Variants in RAD54B observed in about 807,000 individuals in gnomAD.
RAD54B encodes DNA repair and recombination protein RAD54B.
In RAD54B, 78 loss-of-function variants were observed where a neutral mutation model predicts 95.8. That is an observed-to-expected ratio of 0.81 (90% confidence interval 0.68 to 0.98). RAD54B has a LOEUF of 0.98. Among genes scored for constraint, RAD54B ranks in the 50% least tolerant of loss-of-function variants. The pLI is 0.00. For missense variants in RAD54B, 957 were observed against 1,056.6 expected, an observed-to-expected ratio of 0.91 and a Z score of 1.31; for synonymous variants, 328 against 354.9, an observed-to-expected ratio of 0.92 and a Z score of 0.85.
At chr8:94,377,552 A>G (rs1810615637) in intron 14 of RAD54B, among the ~76,000 whole-genome samples, 7 of 64,482 alleles carry the variant, frequency 1.1e-4, no homozygotes, top group African/African-American at 2.8e-4. Context: ...TTGGAAAAAA[A>G]AAAAAAAAAA....
At chr8:94,474,509 A>G (rs146009569) in intron 1 of RAD54B, among the ~76,000 whole-genome samples, 1 of 152,282 alleles carries the variant, frequency 6.6e-6, no homozygotes, top group Non-Finnish European at 1.5e-5. Context: ...TACCTAGAAA[A>G]TCTTCCATAA....
intron 3 of RAD54B, chr8:94,436,916 T>G: frequency 6.8e-7 from 1 of 1,478,418 alleles, no homozygotes; most frequent in Non-Finnish European, 8.9e-7. Flanking sequence ...CCATGCAGCC[T>G]TCAGCTCTGC....
In RAD54B at chr8:94,400,461, A is replaced by C; in HGVS notation, c.947T>G (p.Met316Arg). 6.3e-7 allele frequency: 1 copy of C among 1,599,860 alleles called. No homozygotes were observed. Among genetic ancestry groups the C allele is most frequent in the South Asian group, 1.1e-5 (1 of 88,496 alleles). Residue 316 changes from methionine (M) to arginine (R), a missense_variant and splice_region_variant, in exon 7 of 15, where the codon ATG becomes AGG. Transcript: ENST00000336148. ...AAGAATAGCTCCACATCTGCCATTC[A>C]TTCTGTTAGAAATAATTTTACTTCC... ...FLYECVMGMR[M>R]NGRCGAILAD...
intron 3 of RAD54B, among the ~76,000 whole-genome samples, chr8:94,453,971 A>C (rs745884603): frequency 2.0e-5 from 3 of 151,960 alleles, no homozygotes; most frequent in African/African-American, 4.8e-5. Flanking sequence ...TTGTATTTTT[A>C]GTAGAGACAG....
At chr8:94,417,259 G>A (rs1482274926) in intron 3 of RAD54B, among the ~76,000 whole-genome samples, 3 of 152,056 alleles carry the variant, frequency 2.0e-5, no homozygotes, top group Non-Finnish European at 2.9e-5. Context: ...GAAGCAGGGT[G>A]GTGGTAGCTA....
At chr8:94,414,587 T>C (rs1811609417) in intron 3 of RAD54B, among the ~76,000 whole-genome samples, 1 of 152,232 alleles carries the variant, frequency 6.6e-6, no homozygotes, top group African/African-American at 2.4e-5. Flanking sequence ...GAGATAATCA[T>C]GTGGTTTTTG....
At chr8:94,420,944 C>T (rs961535242) in intron 3 of RAD54B, among the ~76,000 whole-genome samples, 1 of 151,084 alleles carries the variant, frequency 6.6e-6, no homozygotes, top group Non-Finnish European at 1.5e-5. Context: ...GAGATCACAC[C>T]GCTGCACTCC....
At chr8:94,424,323 C>T (rs1563651390) in intron 3 of RAD54B, among the ~76,000 whole-genome samples, 1 of 152,120 alleles carries the variant, frequency 6.6e-6, no homozygotes, top group Non-Finnish European at 1.5e-5. Context: ...GAATATAATA[C>T]TAATACTTAC....
At chr8:94,391,452 C>T (rs1260879443) in intron 10 of RAD54B, among the ~76,000 whole-genome samples, 157 bp downstream of exon 10, 1 of 148,144 alleles carries the variant, frequency 6.8e-6, no homozygotes, top group Non-Finnish European at 1.5e-5. Context: ...AAATGAAAGG[C>T]TGGATAAGCT....
intron 1 of RAD54B, among the ~76,000 whole-genome samples, chr8:94,469,997 T>C (rs1813127925): frequency 6.6e-6 from 1 of 152,166 alleles, no homozygotes. Flanking sequence ...CTGCAATGGA[T>C]AGTAGCAAGC....
rs35744651 is a variant in RAD54B, at chr8:94,381,127, T to TA, written c.1986-722dup. ...GACAATAGAGCAAGGCCCTGTCTTTTAAAAAAAAAAATGTGTTAATGAAAG... is the reference window on the plus strand; with the variant it reads ...GACAATAGAGCAAGGCCCTGTCTTTTAAAAAAAAAAAATGTGTTAATGAAAG... On this transcript the variant is annotated intron_variant, in intron 11 of 14. Coordinates refer to ENST00000336148, the MANE Select transcript of RAD54B (RefSeq NM_012415.3). Among the ~76,000 whole-genome samples, 1,278 of 150,304 alleles carry TA rather than the reference T, an allele frequency of 8.5e-3. 19 individuals carry two copies. The highest frequency in any genetic ancestry group is 0.028 in the African/African-American group (1,151 of 40,882).
chr8:94,440,935 C>T (rs1055096058), intron 3 of RAD54B, among the ~76,000 whole-genome samples: 16 of 152,182 alleles, frequency 1.1e-4, no homozygotes, highest in Non-Finnish European at 7.3e-5. Flanking sequence ...ACAGGCAGCC[C>T]GGCGCCAGGT....
intron 14 of RAD54B, among the ~76,000 whole-genome samples, chr8:94,373,714 C>A (rs540726928): frequency 6.6e-6 from 1 of 152,218 alleles, no homozygotes; most frequent in African/African-American, 2.4e-5. Flanking sequence ...ACTGCCCTGA[C>A]TAACTTATCA....
At chr8:94,372,433 C>T (rs1307906037) in intron 14 of RAD54B, 46 bp from the exon 15 acceptor site, 3 of 1,596,770 alleles carry the variant, frequency 1.9e-6, no homozygotes, top group Non-Finnish European at 2.5e-6. Context: ...AAGCCAATAT[C>T]CTGCTAAATA....
intron 3 of RAD54B, among the ~76,000 whole-genome samples, chr8:94,454,789 T>C (rs916814073): frequency 6.6e-6 from 1 of 152,224 alleles, no homozygotes; most frequent in African/African-American, 2.4e-5. Context: ...CACGAGCGTA[T>C]ACACTTTTAT....
intron 3 of RAD54B, among the ~76,000 whole-genome samples, chr8:94,441,896 T>C (rs1400544440): frequency 6.6e-6 from 1 of 152,210 alleles, no homozygotes; most frequent in African/African-American, 2.4e-5. Context: ...AGGCCAAACA[T>C]ATATTCCACA....
At chr8:94,445,165 G>A (rs753344355) in intron 3 of RAD54B, among the ~76,000 whole-genome samples, 8 of 152,134 alleles carry the variant, frequency 5.3e-5, no homozygotes, top group Non-Finnish European at 1.0e-4. Context: ...GTTCTTAGAT[G>A]ACGCCATCTC....
intron 3 of RAD54B, among the ~76,000 whole-genome samples, chr8:94,451,625 C>CT (rs1812657640): frequency 6.6e-6 from 1 of 152,092 alleles, no homozygotes; most frequent in South Asian, 2.1e-4. Flanking sequence ...CATCATGTGC[C>CT]TTCTGATTGA....
At chr8:94,449,189 C>A (rs1008214582) in intron 3 of RAD54B, among the ~76,000 whole-genome samples, 3 of 151,604 alleles carry the variant, frequency 2.0e-5, no homozygotes, top group African/African-American at 7.3e-5. Context: ...ACCCTTCCCC[C>A]CCGCCCCCCA....
Sources: gnomAD v4.1 joint callset for allele counts (sites outside exome capture counted in the v4.1 genomes callset) on GRCh38, gnomAD v4.1.1 for gene constraint, MANE v1.5 for transcripts, NCBI Gene and HGNC (gene_info 2026-07-23, HGNC 2026-07-21) for gene names.